Variants in ZDHHC3 observed in about 807,000 individuals in gnomAD.
The protein encoded by ZDHHC3 is palmitoyltransferase ZDHHC3.
In ZDHHC3, 9 loss-of-function variants were observed where a neutral mutation model predicts 30.6. The observed-to-expected ratio is 0.29, with a 90% CI of 0.18 to 0.51. The LOEUF is 0.51. Among genes scored for constraint, ZDHHC3 ranks in the 20% least tolerant of loss-of-function variants. ZDHHC3 has a pLI of 0.97. For synonymous variants in ZDHHC3, 136 were observed against 140.2 expected (o/e 0.97, Z 0.21); for missense variants, 246 against 384.2 (o/e 0.64, Z 3.01).
Position 44,925,584 on chromosome 3 carries a change from AT to A in ZDHHC3, c.*1104del. 3 of 985,416 alleles carry A rather than the reference AT, an allele frequency of 3.0e-6. No homozygotes were observed. The highest frequency in any genetic ancestry group is 3.6e-6 in the Non-Finnish European group (3 of 829,932). The allele number at this position is 985,416 out of a possible 1,614,324, so 61.0% of individuals were successfully genotyped here. ...GTGTCTGTGGATTCTGGCCAATGGG[AT>A]GGCCATATGTCAACTTTGAAAGGGT... On this transcript the variant is annotated 3_prime_UTR_variant, in exon 7 of 7. Coordinates refer to ENST00000424952, the MANE Select transcript of ZDHHC3 (RefSeq NM_001135179.2).
chr3:44,921,089 G>A lies in ZDHHC3; in HGVS notation c.*5600C>T, dbSNP rs1432290822. On this transcript the variant is annotated 3_prime_UTR_variant, in exon 7 of 7. Coordinates refer to ENST00000424952, the MANE Select transcript of ZDHHC3 (RefSeq NM_001135179.2). ...AAAATGGTTGATGCCTGGTAAGGGG[G>A]TCATAGTCGACACCAGAAGCTCTTG... 4 of 985,314 alleles carry A rather than the reference G, an allele frequency of 4.1e-6. No homozygotes were observed. The Admixed American group carries it at 2.5e-4, about 61-fold the overall frequency. 61.0% of individuals were successfully genotyped at this position (985,314 alleles called of 1,614,324 possible).
In ZDHHC3 at chr3:44,923,351, CA is replaced by C. The variant is rs1437873575; in HGVS notation, c.*3337del. On this transcript the variant is annotated 3_prime_UTR_variant, in exon 7 of 7. Coordinates refer to ENST00000424952, the MANE Select transcript of ZDHHC3 (RefSeq NM_001135179.2). The stretch of plus-strand genomic sequence containing the variant: ...TCGGCCTCCCAAAGTGCTGGGATTA[CA>C]GGCGTGAGGGATGTCCACAGTGAGA... 49 of 985,258 alleles carry C rather than the reference CA, an allele frequency of 5.0e-5. No homozygotes were observed. The highest frequency in any genetic ancestry group is 5.8e-5 in the Non-Finnish European group (48 of 829,920). The allele number at this position is 985,258 out of a possible 1,614,324, so 61.0% of individuals were successfully genotyped here. A position where few individuals can be genotyped will look rare whatever the true frequency, so the allele number is the denominator to read the frequency against.
intron 2 of ZDHHC3, chr3:44,958,595 C>T: frequency 1.3e-6 from 2 of 1,536,174 alleles, no homozygotes; most frequent in Non-Finnish European, 1.7e-6. Flanking sequence ...CACCAAGAGG[C>T]ACTTGCTGCG....
chr3:44,921,526 T>C lies in ZDHHC3; in HGVS notation c.*5163A>G. ...CCTGCAATATGTAATGCATTAAACA[T>C]TTTTCTTGAAAAACATGCTGGTTGC... On this transcript the variant is annotated 3_prime_UTR_variant, in exon 7 of 7. Transcript: ENST00000424952. 1.6e-5 allele frequency: 16 copies of C among 985,416 alleles called. No homozygotes were observed. Among genetic ancestry groups the C allele is most frequent in the Non-Finnish European group, 1.9e-5 (16 of 829,934 alleles). The allele number at this position is 985,416 out of a possible 1,614,324, so 61.0% of individuals were successfully genotyped here.
chr3:44,973,466 A>AT (rs960236507), intron 1 of ZDHHC3, among the ~76,000 whole-genome samples: 17 of 150,974 alleles, frequency 1.1e-4, no homozygotes, highest in African/African-American at 2.4e-4. Context: ...TTTTATTTTT[A>AT]TTTTTTTTTG....
chr3:44,925,159 T>C lies in ZDHHC3; in HGVS notation c.*1530A>G. 1 of 985,896 alleles carries C rather than the reference T, an allele frequency of 1.0e-6. No homozygotes were observed. The allele number at this position is 985,896 out of a possible 1,614,324, so 61.1% of individuals were successfully genotyped here. A position where few individuals can be genotyped will look rare whatever the true frequency, so the allele number is the denominator to read the frequency against. ...TAAGGGTAACACCTCAAGAGAGAGCTAAATCAGAACAGGTTTTGGAAAAAT... is the reference window on the plus strand; with the variant it reads ...TAAGGGTAACACCTCAAGAGAGAGCCAAATCAGAACAGGTTTTGGAAAAAT... On this transcript the variant is annotated 3_prime_UTR_variant, in exon 7 of 7. Transcript: ENST00000424952.
chr3:44,926,749 C>T lies in ZDHHC3; in HGVS notation c.840G>A (p.Trp280Ter), dbSNP rs778715638. The T allele has an allele frequency of 3.1e-6, 5 of 1,613,698 alleles. No homozygotes were observed. The African/African-American group carries it at 6.7e-5, about 22-fold the overall frequency. The change falls in exon 7 of 7, where the codon TGG (tryptophan) becomes TGA (stop). Residue 280 changes from tryptophan (W) to a stop codon, truncating the protein, a stop_gained. Coordinates refer to ENST00000424952, the MANE Select transcript of ZDHHC3 (RefSeq NM_001135179.2). LOFTEE classifies it high-confidence loss of function. ...AVFGHPFSLG[W>*]ASPFATPDQG... ...GGTCTGGCGTGGCAAAGGGGCTGGC[C>T]CAGCCTAGAGAGAAGGGGTGGCCAA...
At position 44,926,182 on chromosome 3, in the gene ZDHHC3, C is replaced by T. The variant is rs1248340236; in HGVS notation, c.*507G>A. 1 of 985,722 alleles carries T rather than the reference C, an allele frequency of 1.0e-6. No individual in the cohort carries two copies. Among genetic ancestry groups the T allele is most frequent in the African/African-American group, 1.7e-5 (1 of 57,254 alleles). 61.1% of individuals were successfully genotyped at this position (985,722 alleles called of 1,614,324 possible). On this transcript the variant is annotated 3_prime_UTR_variant, in exon 7 of 7. Coordinates refer to ENST00000424952, the MANE Select transcript of ZDHHC3 (RefSeq NM_001135179.2). ...TCGCTGTGCCAAGGTCCCTTCTGAT[C>T]CTGCCCTTCTCAGGCCTCAAGGGGT...
intron 2 of ZDHHC3, among the ~76,000 whole-genome samples, chr3:44,952,883 G>A (rs966166536): frequency 2.0e-5 from 3 of 152,174 alleles, no homozygotes; most frequent in African/African-American, 7.2e-5. Context: ...TATGGAACAC[G>A]TCATTTAATT....
chr3:44,919,715 C>T lies in ZDHHC3; in HGVS notation c.*6974G>A. The T allele has an allele frequency of 4.0e-6, 1 of 252,138 alleles. No individual in the cohort carries two copies. Among genetic ancestry groups the T allele is most frequent in the Non-Finnish European group, 6.3e-6 (1 of 159,580 alleles). The allele number at this position is 252,138 out of a possible 1,614,324, so 15.6% of individuals were successfully genotyped here. A position where few individuals can be genotyped will look rare whatever the true frequency, so the allele number is the denominator to read the frequency against. On this transcript the variant is annotated 3_prime_UTR_variant, in exon 7 of 7. Transcript: ENST00000424952. ...ACATTAGTTAAGGGTATGGTGTTGC[C>T]AATGTCCAGGGTTTTATATTTGTAT... is the stretch of plus-strand genomic sequence containing the variant.
intron 3 of ZDHHC3, among the ~76,000 whole-genome samples, chr3:44,934,367 C>A (rs1701759462): frequency 6.6e-6 from 1 of 151,844 alleles, no homozygotes; most frequent in South Asian, 2.1e-4. Flanking sequence ...TGGAGAATGG[C>A]TGCTACCTAT....
intron 3 of ZDHHC3, chr3:44,938,352 G>C (rs1702157419): frequency 5.1e-6 from 1 of 195,934 alleles, no homozygotes; most frequent in Admixed American, 5.2e-5. Flanking sequence ...CCTTTAACCA[G>C]ACAACTCTCT....
At chr3:44,957,279 C>A (rs1441752493) in intron 2 of ZDHHC3, among the ~76,000 whole-genome samples, 1 of 152,204 alleles carries the variant, frequency 6.6e-6, no homozygotes, top group Non-Finnish European at 1.5e-5. Context: ...CCCGTCACTA[C>A]AAAGTGAGCT....
chr3:44,938,772 G>A (rs764916541), intron 3 of ZDHHC3, among the ~76,000 whole-genome samples: 4 of 152,148 alleles, frequency 2.6e-5, no homozygotes, highest in Non-Finnish European at 5.9e-5. Flanking sequence ...CTGCTGGGCT[G>A]GAGGTGTGCT....
intron 1 of ZDHHC3, among the ~76,000 whole-genome samples, chr3:44,964,437 G>A (rs537602840): frequency 3.3e-5 from 5 of 152,292 alleles, no homozygotes; most frequent in South Asian, 2.1e-4. Flanking sequence ...GGCTGTGTGC[G>A]TGTCTGTGGA....
chr3:44,959,292 T>C lies in ZDHHC3; in HGVS notation c.145A>G (p.Ile49Val), dbSNP rs985121030. Reference protein sequence around the residue: ...IRDGCGIACAIVTWFLVLYAE... With the variant: ...IRDGCGIACAVVTWFLVLYAE... Reference sequence around the variant, plus strand: ...TAGAGGACCAGAAACCAGGTAACGATGGCACAGGCGATGCCACAGCCGTCA... The same window carrying C: ...TAGAGGACCAGAAACCAGGTAACGACGGCACAGGCGATGCCACAGCCGTCA... Residue 49 changes from isoleucine to valine, a missense_variant, in exon 2 of 7, where the codon ATC becomes GTC. Transcript: ENST00000424952. The surrounding 1 kb of genome is among the most constrained non-coding windows in gnomAD (Gnocchi z 4.3). 3 of 1,614,156 alleles carry C rather than the reference T, an allele frequency of 1.9e-6. No individual in the cohort carries two copies. Among genetic ancestry groups the C allele is most frequent in the Non-Finnish European group, 2.5e-6 (3 of 1,180,038 alleles).
At position 44,976,128 on chromosome 3, in the gene ZDHHC3, C is replaced by T; in HGVS notation, c.-220G>A. 1 of 547,996 alleles carries T rather than the reference C, an allele frequency of 1.8e-6. No homozygotes were observed. The highest frequency in any genetic ancestry group is 2.9e-6 in the Non-Finnish European group (1 of 346,848). 33.9% of individuals were successfully genotyped at this position (547,996 alleles called of 1,614,324 possible). A position where few individuals can be genotyped will look rare whatever the true frequency, so the allele number is the denominator to read the frequency against. On this transcript the variant is annotated 5_prime_UTR_variant, in exon 1 of 7. Coordinates refer to ENST00000424952, the MANE Select transcript of ZDHHC3 (RefSeq NM_001135179.2). ...GCAGGAGAAGCCCATCGAGCTCTCC[C>T]GGCAGTGGCGGCGGCCGCGGCTGCA... is the stretch of plus-strand genomic sequence containing the variant.
In ZDHHC3 at chr3:44,922,958, C is replaced by T. The variant is rs1341158148; in HGVS notation, c.*3731G>A. ...GGCTGGCTCACCCTTTAAGCTGATGCACTGCAAGTCTTGAAAAGAGAGAAA... is the reference window on the plus strand; with the variant it reads ...GGCTGGCTCACCCTTTAAGCTGATGTACTGCAAGTCTTGAAAAGAGAGAAA... On this transcript the variant is annotated 3_prime_UTR_variant, in exon 7 of 7. Coordinates refer to ENST00000424952, the MANE Select transcript of ZDHHC3 (RefSeq NM_001135179.2). The T allele has an allele frequency of 3.0e-6, 3 of 985,242 alleles. No individual in the cohort carries two copies. The highest frequency in any genetic ancestry group is 3.6e-6 in the Non-Finnish European group (3 of 829,936). The allele number at this position is 985,242 out of a possible 1,614,324, so 61.0% of individuals were successfully genotyped here. A position where few individuals can be genotyped will look rare whatever the true frequency, so the allele number is the denominator to read the frequency against.
At chr3:44,929,496 C>T in intron 5 of ZDHHC3, 60 bp from the exon 6 acceptor site, 3 of 1,595,754 alleles carry the variant, frequency 1.9e-6, no homozygotes, top group Non-Finnish European at 2.6e-6. Context: ...TGCCCAGGCT[C>T]ACTGCCCCAC....
Sources: gnomAD v4.1 joint callset for allele counts (sites outside exome capture counted in the v4.1 genomes callset) on GRCh38, gnomAD v4.1.1 for gene constraint, Gnocchi (gnomAD v3.1) non-coding constraint, MANE v1.5 for transcripts, NCBI Gene and HGNC (gene_info 2026-07-23, HGNC 2026-07-21) for gene names.